The following ERG variants were observed in gnomAD, a reference collection of about 807,000 sequenced individuals.
The protein encoded by ERG is ETS transcription factor ERG.
ERG carries 9 observed loss-of-function variants against 55.3 expected under a neutral mutation model. The observed-to-expected ratio is 0.16, with a 90% confidence interval of 0.10 to 0.28. The LOEUF (loss-of-function observed/expected upper bound fraction) is 0.28. Among genes scored for constraint, ERG ranks in the 10% least tolerant of loss-of-function variants. The pLI, the probability that ERG is intolerant of heterozygous loss-of-function variation, is 1.00. For synonymous variants in ERG, 223 were observed against 237.3 expected (o/e 0.94, Z 0.55); for missense variants, 434 against 631.6 (o/e 0.69, Z 3.35).
At chr21:38,451,256 T>G (rs1470716276) in intron 1 of ERG, 1 of 495,202 alleles carries the variant, frequency 2.0e-6, no homozygotes, top group East Asian at 5.8e-5. Flanking sequence ...CAGTAAGGAC[T>G]TCTCTAGGTA....
At chr21:38,610,477 GCT>G (rs1005416328) in intron 1 of ERG, among the ~76,000 whole-genome samples, 1 of 152,180 alleles carries the variant, frequency 6.6e-6, no homozygotes, top group African/African-American at 2.4e-5. Flanking sequence ...TCTGCATTCA[GCT>G]CTTTCATTAG....
intron 2 of ERG, among the ~76,000 whole-genome samples, chr21:38,442,444 T>A (rs751847251): frequency 8.5e-5 from 13 of 152,160 alleles, no homozygotes; most frequent in Non-Finnish European, 1.9e-4. Flanking sequence ...CTGAAAAAGA[T>A]GTTTCCCGGA....
intron 1 of ERG, among the ~76,000 whole-genome samples, chr21:38,598,977 G>A (rs901270734): frequency 4.8e-4 from 73 of 152,290 alleles, no homozygotes; most frequent in African/African-American, 1.5e-3. Flanking sequence ...GACATAGGCA[G>A]GGAAATTTCA....
chr21:38,593,336 A>C (rs762719436), intron 1 of ERG, among the ~76,000 whole-genome samples: 1 of 152,244 alleles, frequency 6.6e-6, no homozygotes, highest in Non-Finnish European at 1.5e-5. Flanking sequence ...TCAAGAAAAC[A>C]CATTTACCAG....
chr21:38,554,485 A>C (rs1601234638), intron 2 of ERG, among the ~76,000 whole-genome samples: 1 of 152,350 alleles, frequency 6.6e-6, no homozygotes, highest in South Asian at 2.1e-4. Flanking sequence ...AGAATACTAC[A>C]CAGCCATAAA....
chr21:38,569,090 G>A (rs148726842), intron 2 of ERG, among the ~76,000 whole-genome samples: 6 of 152,330 alleles, frequency 3.9e-5, no homozygotes, highest in East Asian at 1.9e-4. Flanking sequence ...TAGCAGCTTC[G>A]CTGTGCCCGA....
chr21:38,443,430 C>T (rs796870824), intron 2 of ERG, among the ~76,000 whole-genome samples: 13 of 152,246 alleles, frequency 8.5e-5, no homozygotes, highest in Admixed American at 4.6e-4. Flanking sequence ...AAATGTGTCC[C>T]GGTCTTAGTG....
In ERG at chr21:38,460,614, G is replaced by A. The variant is rs1463231823; in HGVS notation, c.19-14993C>T. 6.6e-6 allele frequency among the ~76,000 whole-genome samples: 1 copy of A among 152,204 alleles called. No individual in the cohort carries two copies. Among genetic ancestry groups the A allele is most frequent in the Admixed American group, 6.5e-5 (1 of 15,284 alleles). ...TGAGAATCTGTACTTTTCATTCAGA[G>A]TCTGCAAGGGGTCACGGCCATTTTG... On this transcript the variant is annotated intron_variant, in intron 1 of 9. Transcript: ENST00000288319. The surrounding 1 kb of genome is among the most constrained non-coding windows in gnomAD (Gnocchi z 5.0).
At chr21:38,618,604 T>C (rs867578276) in intron 1 of ERG, among the ~76,000 whole-genome samples, 5 of 152,158 alleles carry the variant, frequency 3.3e-5, no homozygotes, top group Non-Finnish European at 5.9e-5. Flanking sequence ...TAATACTAAC[T>C]CCTTGAGAAT....
At chr21:38,568,405 G>A (rs2059936699) in intron 2 of ERG, among the ~76,000 whole-genome samples, 1 of 152,166 alleles carries the variant, frequency 6.6e-6, no homozygotes. Flanking sequence ...TGGGGTAGAT[G>A]CACTATTTCA....
intron 2 of ERG, among the ~76,000 whole-genome samples, chr21:38,436,109 C>A (rs1990434419): frequency 6.6e-6 from 1 of 151,170 alleles, no homozygotes; most frequent in Non-Finnish European, 1.5e-5. Context: ...AACCTCCGCC[C>A]CCACTGGGTT....
chr21:38,574,093 T>C (rs1479864546), intron 2 of ERG, among the ~76,000 whole-genome samples: 1 of 152,218 alleles, frequency 6.6e-6, no homozygotes, highest in Admixed American at 6.5e-5. Context: ...GGAATGCTAA[T>C]AAAATGAATT....
intron 2 of ERG, among the ~76,000 whole-genome samples, chr21:38,532,780 T>A (rs750585152): frequency 6.6e-6 from 1 of 152,204 alleles, no homozygotes; most frequent in Non-Finnish European, 1.5e-5. Context: ...CTATGGATAG[T>A]AGAAGTAACT....
rs1568936453 is a variant in ERG, at chr21:38,592,445, G to T, written c.-149-7500C>A. Among the ~76,000 whole-genome samples the T allele has an allele frequency of 2.6e-5, 4 of 152,272 alleles. No homozygotes were observed. In the South Asian group the frequency reaches 8.3e-4, roughly 32 times the overall value. The stretch of plus-strand genomic sequence containing the variant: ...TGTGATGAGAGGAGAAACCAGGGAG[G>T]CGGAGTTCCAAATCTGGAAAAGTGG... On this transcript the variant is annotated intron_variant, in intron 1 of 10. Transcript: ENST00000398910.
chr21:38,444,047 C>T (rs2058866156), intron 2 of ERG, among the ~76,000 whole-genome samples: 1 of 152,250 alleles, frequency 6.6e-6, no homozygotes, highest in Non-Finnish European at 1.5e-5. Context: ...CTGGCACGTC[C>T]AGCCTTGCCG....
chr21:38,613,731 C>T (rs2060242292), intron 1 of ERG, among the ~76,000 whole-genome samples: 1 of 152,206 alleles, frequency 6.6e-6, no homozygotes, highest in African/African-American at 2.4e-5. Context: ...TGAAGTTGCT[C>T]CATTCGTCCT....
chr21:38,563,687 T>C (rs138359669), intron 2 of ERG, among the ~76,000 whole-genome samples: 1 of 152,378 alleles, frequency 6.6e-6, no homozygotes, highest in African/African-American at 2.4e-5. Context: ...TCAACTCGTA[T>C]ATGTGAAGCA....
chr21:38,510,084 G>T (rs1681003740), intron 2 of ERG, among the ~76,000 whole-genome samples: 1 of 152,204 alleles, frequency 6.6e-6, no homozygotes, highest in African/African-American at 2.4e-5. Context: ...GGGAACCATG[G>T]TCCTGTGTGC....
intron 1 of ERG, among the ~76,000 whole-genome samples, chr21:38,643,243 A>G (rs148343488): frequency 6.6e-6 from 1 of 152,330 alleles, no homozygotes; most frequent in African/African-American, 2.4e-5. Context: ...AGGATACCAG[A>G]GCACGCAGGA....
Sources: allele counts gnomAD v4.1 joint callset (sites outside exome capture counted in the v4.1 genomes callset), GRCh38; gene constraint gnomAD v4.1.1; non-coding constraint Gnocchi (gnomAD v3.1); transcripts MANE v1.5; gene names NCBI Gene and HGNC (gene_info 2026-07-23, HGNC 2026-07-21).